Variants in RLIM observed in about 807,000 individuals in gnomAD.
The protein encoded by RLIM is E3 ubiquitin-protein ligase RLIM.
A neutral mutation model predicts 34.0 loss-of-function variants in RLIM; 2 were observed. The ratio of observed to expected loss-of-function variants is 0.06; its 90% CI spans 0.02 to 0.19. The LOEUF (loss-of-function observed/expected upper bound fraction) is 0.19, where lower values mean the gene tolerates loss of function less well. Among genes scored for constraint, RLIM ranks in the 10% least tolerant of loss-of-function variants. The probability of loss-of-function intolerance (pLI) is 1.00; values close to 1 mark genes in which losing one functional copy is unlikely to be tolerated. For synonymous variants in RLIM, 169 were observed against 164.0 expected, an observed-to-expected ratio of 1.03 and a Z score of -0.23; for missense variants, 286 against 479.7, an observed-to-expected ratio of 0.60 and a Z score of 3.77.
At chrX:74,611,772 C>T (rs1272251514) in intron 1 of RLIM, among the ~76,000 whole-genome samples, 1 of 112,232 alleles carries the variant, frequency 8.9e-6, no homozygotes, top group African/African-American at 3.2e-5. Context: ...AAAATGAGGG[C>T]TCCACCACTT....
rs769000237 is a variant in RLIM at position 74,594,409 on chromosome X, G to A, written c.170-20C>T. 1 of 1,104,288 alleles carries A rather than the reference G, an allele frequency of 9.1e-7. No homozygotes were observed. The highest frequency in any genetic ancestry group is 1.2e-6 in the Non-Finnish European group (1 of 807,838). 91.0% of individuals were successfully genotyped at this position (1,104,288 alleles called of 1,213,427 possible). A position where few individuals can be genotyped will look rare whatever the true frequency, so the allele number is the denominator to read the frequency against. On this transcript the variant is annotated intron_variant, in intron 2 of 3. Coordinates refer to ENST00000332687, the MANE Select transcript of RLIM (RefSeq NM_016120.4). ...TTTCACCTGAAATTTAACACCACAG[G>A]GCAAAGATGACATTAGGGGTATGAC... is the stretch of plus-strand genomic sequence containing the variant.
rs1569308425 is a variant in RLIM, at chrX:74,587,349, A to C, written c.*4091T>G. On this transcript the variant is annotated 3_prime_UTR_variant, in exon 4 of 4. Coordinates refer to ENST00000332687, the MANE Select transcript of RLIM (RefSeq NM_016120.4). The stretch of plus-strand genomic sequence containing the variant: ...TACTAAGGTACAGAATACTTCAGAA[A>C]GTAACAATTAGCATAGTCTTATAAG... 9.0e-6 allele frequency: 1 copy of C among 111,466 alleles called. No homozygotes were observed. The highest frequency in any genetic ancestry group is 2.8e-4 in the East Asian group (1 of 3,520). 9.2% of individuals were successfully genotyped at this position (111,466 alleles called of 1,213,427 possible).
chrX:74,609,610 T>C (rs1040423210), intron 1 of RLIM, among the ~76,000 whole-genome samples: 1 of 109,772 alleles, frequency 9.1e-6, no homozygotes, highest in Non-Finnish European at 1.9e-5. Context: ...ATGCTGACAA[T>C]TGTCCTTCCT....
rs2079608758 is a variant in RLIM, at chrX:74,590,636, T to C, written c.*804A>G. The C allele has an allele frequency of 8.9e-6, 1 of 112,765 alleles. No individual in the cohort carries two copies. Among genetic ancestry groups the C allele is most frequent in the African/African-American group, 3.2e-5 (1 of 30,954 alleles). The allele number at this position is 112,765 out of a possible 1,213,427, so 9.3% of individuals were successfully genotyped here. On this transcript the variant is annotated 3_prime_UTR_variant, in exon 4 of 4. Transcript: ENST00000332687. ...ACTTTGTTTGGTGTGTTTGTTACTA[T>C]GTTGGCTCACAAAAAGCAGTTTTCT...
At chrX:74,609,154 C>A (rs759553370) in intron 1 of RLIM, among the ~76,000 whole-genome samples, 10 of 111,074 alleles carry the variant, frequency 9.0e-5, no homozygotes, top group Non-Finnish European at 1.3e-4. Context: ...ATTTTTCCAT[C>A]AAAAATCAGG....
rs1414939435 is a variant in RLIM at position 74,595,895 on chromosome X, C to T, written c.83G>A (p.Arg28Gln). The T allele has an allele frequency of 8.3e-7, 1 of 1,205,569 alleles. No individual in the cohort carries two copies. Among genetic ancestry groups the T allele is most frequent in the Admixed American group, 2.2e-5 (1 of 45,947 alleles). The change falls in exon 2 of 4, where the codon CGA (arginine) becomes CAA (glutamine). Residue 28 changes from arginine to glutamine, a missense_variant. Physicochemically the swap from Arg to Gln is conservative, Grantham distance 43. Coordinates refer to ENST00000332687, the MANE Select transcript of RLIM (RefSeq NM_016120.4). The part of the protein sequence containing the change: ...QRRSQMDRLD[R>Q]EEAFYQFVNN... ...TACAAATTGATAGAAAGCTTCTTCT[C>T]GATCCAATCGGTCCATCTGACTTCT...
chrX:74,607,667 C>T (rs912154716), intron 1 of RLIM, among the ~76,000 whole-genome samples: 3 of 112,585 alleles, frequency 2.7e-5, no homozygotes, highest in African/African-American at 9.7e-5. Flanking sequence ...AGAGATCGTG[C>T]CATTGCACTC....
intron 1 of RLIM, among the ~76,000 whole-genome samples, chrX:74,609,665 A>G (rs60477904): frequency 0.073 from 7,985 of 110,098 alleles, 451 homozygotes; most frequent in African/African-American, 0.19. Flanking sequence ...GGGTGACAAT[A>G]TATCTTTGGT....
chrX:74,589,430 G>A lies in RLIM; in HGVS notation c.*2010C>T, dbSNP rs1041222518. On this transcript the variant is annotated 3_prime_UTR_variant, in exon 4 of 4. Coordinates refer to ENST00000332687, the MANE Select transcript of RLIM (RefSeq NM_016120.4). ...AAAAGATAAAATGTATTACATAAGC[G>A]CCATAAACAGTGAAATCTGCTTATA... The A allele has an allele frequency of 4.5e-5, 5 of 111,082 alleles. No individual in the cohort carries two copies. Among genetic ancestry groups the A allele is most frequent in the African/African-American group, 6.5e-5 (2 of 30,540 alleles). 9.2% of individuals were successfully genotyped at this position (111,082 alleles called of 1,213,427 possible). A position where few individuals can be genotyped will look rare whatever the true frequency, so the allele number is the denominator to read the frequency against.
In RLIM at chrX:74,586,071, G is replaced by C. The variant is rs775727162; in HGVS notation, c.*5369C>G. The C allele has an allele frequency of 9.0e-6, 1 of 111,718 alleles. No homozygotes were observed. Among genetic ancestry groups the C allele is most frequent in the East Asian group, 2.8e-4 (1 of 3,574 alleles). The allele number at this position is 111,718 out of a possible 1,213,427, so 9.2% of individuals were successfully genotyped here. ...AACTATACCAAAGCAGCTCTTCCTGGGAGAAGATAAAACAGGCACAGATAC... is the reference window on the plus strand; with the variant it reads ...AACTATACCAAAGCAGCTCTTCCTGCGAGAAGATAAAACAGGCACAGATAC... On this transcript the variant is annotated 3_prime_UTR_variant, in exon 4 of 4. Coordinates refer to ENST00000332687, the MANE Select transcript of RLIM (RefSeq NM_016120.4).
At chrX:74,603,216 TACA>T (rs1401707738) in intron 1 of RLIM, among the ~76,000 whole-genome samples, 2 of 110,331 alleles carry the variant, frequency 1.8e-5, no homozygotes, top group African/African-American at 6.6e-5. Context: ...GACACAAAAT[TACA>T]ACATTTTCTT....
At chrX:74,604,960 C>A (rs2079676683) in intron 1 of RLIM, among the ~76,000 whole-genome samples, 1 of 110,840 alleles carries the variant, frequency 9.0e-6, no homozygotes, top group Admixed American at 9.7e-5. Context: ...CCATGATACT[C>A]CTGCAACACA....
At chrX:74,596,903 T>C in intron 1 of RLIM, among the ~76,000 whole-genome samples, 1 of 111,868 alleles carries the variant, frequency 8.9e-6, no homozygotes, top group South Asian at 3.7e-4. Context: ...GGACTCTGAA[T>C]GTCACGCTTA....
In RLIM at chrX:74,585,048, C is replaced by A. The variant is rs1008103763; in HGVS notation, c.*6392G>T. On this transcript the variant is annotated 3_prime_UTR_variant, in exon 4 of 4. Coordinates refer to ENST00000332687, the MANE Select transcript of RLIM (RefSeq NM_016120.4). ...AACAAGGACATCTTAGTGGCTTAAG[C>A]AATATGTTTAAGAGATTAAGATAGA... Among the ~76,000 whole-genome samples the A allele has an allele frequency of 9.0e-6, 1 of 111,446 alleles. No homozygotes were observed. Among genetic ancestry groups the A allele is most frequent in the African/African-American group, 3.3e-5 (1 of 30,596 alleles).
intron 1 of RLIM, among the ~76,000 whole-genome samples, chrX:74,603,235 C>T (rs1371465489): frequency 9.0e-6 from 1 of 110,590 alleles, no homozygotes; most frequent in African/African-American, 3.3e-5. Context: ...TTCTTGGCAA[C>T]ACCAATCCAC....
rs1569308780 is a variant in RLIM at position 74,588,608 on chromosome X, G to A, written c.*2832C>T. The A allele has an allele frequency of 1.8e-5, 2 of 112,215 alleles. No homozygotes were observed. The highest frequency in any genetic ancestry group is 1.9e-4 in the Admixed American group (2 of 10,559). The allele number at this position is 112,215 out of a possible 1,213,427, so 9.2% of individuals were successfully genotyped here. Reference sequence around the variant, plus strand: ...AATATTCAAGAAAATTTGGGTTTTGGTACTTTTCCTTATGCTCTGAACAAT... The same window carrying A: ...AATATTCAAGAAAATTTGGGTTTTGATACTTTTCCTTATGCTCTGAACAAT... On this transcript the variant is annotated 3_prime_UTR_variant, in exon 4 of 4. Transcript: ENST00000332687.
chrX:74,591,255 T>G lies in RLIM; in HGVS notation c.*185A>C. On this transcript the variant is annotated 3_prime_UTR_variant, in exon 4 of 4. Transcript: ENST00000332687. ...ATTTTTAGGTCCTATAACGTGGCTTTTAAAATATTTCCTTTTATTCTGGAA... is the reference window on the plus strand; with the variant it reads ...ATTTTTAGGTCCTATAACGTGGCTTGTAAAATATTTCCTTTTATTCTGGAA... 4.6e-6 allele frequency: 2 copies of G among 436,085 alleles called. No individual in the cohort carries two copies. Among genetic ancestry groups the G allele is most frequent in the Non-Finnish European group, 7.8e-6 (2 of 255,866 alleles). The allele number at this position is 436,085 out of a possible 1,213,427, so 35.9% of individuals were successfully genotyped here.
In RLIM at chrX:74,584,000, G is replaced by A. The variant is rs936919851; in HGVS notation, c.*7440C>T. Among the ~76,000 whole-genome samples, 1 of 111,554 alleles carries A rather than the reference G, an allele frequency of 9.0e-6. No individual in the cohort carries two copies. Among genetic ancestry groups the A allele is most frequent in the African/African-American group, 3.3e-5 (1 of 30,609 alleles). On this transcript the variant is annotated 3_prime_UTR_variant, in exon 4 of 4. Coordinates refer to ENST00000332687, the MANE Select transcript of RLIM (RefSeq NM_016120.4). ...GCAGAGGTTGCAGTGAGCCAAGATCGCACCATTGCACTCCAGCCTGGGCGA... is the reference window on the plus strand; with the variant it reads ...GCAGAGGTTGCAGTGAGCCAAGATCACACCATTGCACTCCAGCCTGGGCGA...
chrX:74,610,430 AAAACAAAC>A (rs753804272), intron 1 of RLIM, among the ~76,000 whole-genome samples: 36 of 104,831 alleles, frequency 3.4e-4, no homozygotes, highest in African/African-American at 6.6e-4. Flanking sequence ...TCCTAACCAA[AAAACAAAC>A]AAACAAACAA....
Sources: allele counts gnomAD v4.1 joint callset (sites outside exome capture counted in the v4.1 genomes callset), GRCh38; gene constraint gnomAD v4.1.1; transcripts MANE v1.5; gene names NCBI Gene and HGNC (gene_info 2026-07-23, HGNC 2026-07-21).